Variants in MYH15 observed in about 807,000 individuals in gnomAD.
MYH15 encodes the protein myosin-15.
Under a neutral mutation model 240.5 loss-of-function variants are expected in MYH15, and 227 were observed. The ratio of observed to expected loss-of-function variants is 0.94; its 90% CI spans 0.85 to 1.05. The LOEUF is 1.05. MYH15 is among the 50% of genes least tolerant of loss of function. The pLI, the probability that MYH15 is intolerant of heterozygous loss-of-function variation, is 0.00. For missense variants in MYH15, 2,217 were observed against 2,247.5 expected, an observed-to-expected ratio of 0.99 and a Z score of 0.27; for synonymous variants, 785 against 796.7, an observed-to-expected ratio of 0.99 and a Z score of 0.25.
upstream of MYH15, among the ~76,000 whole-genome samples, chr3:108,512,405 G>C (rs2083528369): frequency 6.6e-6 from 1 of 152,176 alleles, no homozygotes; most frequent in African/African-American, 2.4e-5. Context: ...AAAAGCTGTA[G>C]TCAGGGAGAC....
chr3:108,524,319 T>A (rs1353503614), intron 1 of MYH15, among the ~76,000 whole-genome samples: 1 of 151,982 alleles, frequency 6.6e-6, no homozygotes, highest in African/African-American at 2.4e-5. Flanking sequence ...TCTTTTCGAA[T>A]ACTCATTTGG....
chr3:108,434,464 G>A (rs189579310), intron 25 of MYH15, among the ~76,000 whole-genome samples: 3 of 152,000 alleles, frequency 2.0e-5, no homozygotes, highest in Admixed American at 1.3e-4. Context: ...TTACAGGCAT[G>A]AGCCACCACA....
Position 108,472,910 on chromosome 3 carries a change from C to G in MYH15, c.1234-2063G>C, listed in dbSNP as rs72939901. On this transcript the variant is annotated intron_variant, in intron 12 of 40. Transcript: ENST00000693548. Reference sequence around the variant, plus strand: ...GGTTAAATGCACCCATTTCTTAGCTCTTTTTAAAATAACCTCACAGAAGGC... The same window carrying G: ...GGTTAAATGCACCCATTTCTTAGCTGTTTTTAAAATAACCTCACAGAAGGC... Among the ~76,000 whole-genome samples the G allele has an allele frequency of 9.2e-3, 1,402 of 152,242 alleles. 22 individuals carry two copies. Among genetic ancestry groups the G allele is most frequent in the African/African-American group, 0.032 (1,321 of 41,542 alleles).
chr3:108,452,532 T>A (rs1397610714), intron 21 of MYH15, among the ~76,000 whole-genome samples: 1 of 152,110 alleles, frequency 6.6e-6, no homozygotes, highest in African/African-American at 2.4e-5. Flanking sequence ...TTGATATATT[T>A]CAAAGAATAA....
At chr3:108,526,509 AAT>A (rs1311985965) in intron 1 of MYH15, among the ~76,000 whole-genome samples, 2 of 152,170 alleles carry the variant, frequency 1.3e-5, no homozygotes, top group Non-Finnish European at 2.9e-5. Flanking sequence ...AGCACTGGTG[AAT>A]AAGGAAGGTA....
At chr3:108,445,620 A>T (rs948202606) in intron 21 of MYH15, among the ~76,000 whole-genome samples, 3 of 152,302 alleles carry the variant, frequency 2.0e-5, no homozygotes, top group East Asian at 1.9e-4. Flanking sequence ...AAGTTCTCCT[A>T]CATAAGGCCC....
At chr3:108,466,723 C>T (rs1233312924) in intron 14 of MYH15, among the ~76,000 whole-genome samples, 1 of 152,170 alleles carries the variant, frequency 6.6e-6, no homozygotes, top group Non-Finnish European at 1.5e-5. Flanking sequence ...CAAAGCCTGC[C>T]TCCTAAAGCC....
In MYH15 at chr3:108,459,453, A is replaced by C. The variant is rs773632011; in HGVS notation, c.1933-4T>G. On this transcript the variant is annotated splice_region_variant and splice_polypyrimidine_tract_variant and intron_variant, in intron 17 of 40. Coordinates refer to ENST00000693548, the MANE Select transcript of MYH15 (RefSeq NM_014981.3). The stretch of plus-strand genomic sequence containing the variant: ...TCATCAATTTATTCAGGTTTTCCTA[A>C]AATGGAGACCATAATAAACACAAAA... 5.3e-5 allele frequency: 84 copies of C among 1,584,194 alleles called. No individual in the cohort carries two copies. Among genetic ancestry groups the C allele is most frequent in the Non-Finnish European group, 6.5e-5 (75 of 1,162,206 alleles).
the MYH15 span, among the ~76,000 whole-genome samples, chr3:108,538,911 T>C: frequency 1.3e-5 from 2 of 151,842 alleles, no homozygotes; most frequent in South Asian, 4.2e-4. Flanking sequence ...TGGCAGAGAG[T>C]GGAAGGGCAA....
At chr3:108,399,301 G>T (rs757052779) in intron 33 of MYH15, 34 bp from the exon 34 acceptor site, 1 of 1,530,316 alleles carries the variant, frequency 6.5e-7, no homozygotes, top group Non-Finnish European at 9.0e-7. Context: ...TGGGGGAAAT[G>T]ACACATCCAA....
chr3:108,514,919 A>C (rs2083549075), upstream of MYH15, among the ~76,000 whole-genome samples: 1 of 152,170 alleles, frequency 6.6e-6, no homozygotes, highest in African/African-American at 2.4e-5. Context: ...AGGCATCTCT[A>C]ATTTTCCTTC....
In MYH15 at chr3:108,501,868, G is replaced by GA. The variant is rs752921953; in HGVS notation, c.196-14dup. 1 of 1,611,792 alleles carries GA rather than the reference G, an allele frequency of 6.2e-7. No individual in the cohort carries two copies. Among genetic ancestry groups the GA allele is most frequent in the Non-Finnish European group, 8.5e-7 (1 of 1,178,006 alleles). On this transcript the variant is annotated splice_polypyrimidine_tract_variant and intron_variant, in intron 2 of 40. Coordinates refer to ENST00000693548, the MANE Select transcript of MYH15 (RefSeq NM_014981.3). ...TTATGCTCAGACTCTGCAGAGAGAAGAAAAATATATGATATATTCCCCTGT... is the reference window on the plus strand; with the variant it reads ...TTATGCTCAGACTCTGCAGAGAGAAGAAAAAATATATGATATATTCCCCTGT...
intron 14 of MYH15, among the ~76,000 whole-genome samples, chr3:108,467,254 T>A (rs949671370): frequency 1.3e-5 from 2 of 151,490 alleles, no homozygotes; most frequent in East Asian, 1.9e-4. Context: ...TGGAGTTATG[T>A]GTTTAAAGAG....
chr3:108,453,993 G>T lies in MYH15; in HGVS notation c.2399+13C>A. 6.8e-6 allele frequency: 11 copies of T among 1,606,830 alleles called. No individual in the cohort carries two copies. Among genetic ancestry groups the T allele is most frequent in the Non-Finnish European group, 9.4e-6 (11 of 1,174,766 alleles). On this transcript the variant is annotated intron_variant, in intron 21 of 40. Transcript: ENST00000693548. Reference sequence around the variant, plus strand: ...TACCCTAGCAGTTGGGGAGCAGGGTGGGCATATAATACCTTTCTTCCAGAA... The same window carrying T: ...TACCCTAGCAGTTGGGGAGCAGGGTTGGCATATAATACCTTTCTTCCAGAA...
In MYH15 at chr3:108,393,657, T is replaced by A. The variant is rs893032139; in HGVS notation, c.5259+374A>T. Among the ~76,000 whole-genome samples the A allele has an allele frequency of 6.6e-5, 10 of 152,338 alleles. No homozygotes were observed. In the East Asian group the frequency reaches 1.7e-3, roughly 26 times the overall value. On this transcript the variant is annotated intron_variant, in intron 36 of 40. Transcript: ENST00000693548. ...AAACATTCTTTCCAAATCATCATCA[T>A]AAAACTGTTATAGACCCTAGGAAAA...
intron 14 of MYH15, among the ~76,000 whole-genome samples, chr3:108,469,740 C>T (rs2083154759): frequency 6.6e-6 from 1 of 152,200 alleles, no homozygotes; most frequent in Non-Finnish European, 1.5e-5. Flanking sequence ...TTTTTCCAGT[C>T]AAGAGCATGA....
At chr3:108,475,073 A>C (rs2083208972) in intron 12 of MYH15, among the ~76,000 whole-genome samples, 1 of 152,214 alleles carries the variant, frequency 6.6e-6, no homozygotes, top group Non-Finnish European at 1.5e-5. Flanking sequence ...AATGTTTTAA[A>C]TAACACAGAC....
At chr3:108,437,948 C>A (rs548922655) in intron 24 of MYH15, among the ~76,000 whole-genome samples, 1 of 152,222 alleles carries the variant, frequency 6.6e-6, no homozygotes, top group East Asian at 1.9e-4. Flanking sequence ...AGGGAAGGAA[C>A]CAACAAGAAA....
chr3:108,488,261 T>C (rs2083320828), intron 9 of MYH15, among the ~76,000 whole-genome samples: 1 of 152,186 alleles, frequency 6.6e-6, no homozygotes, highest in South Asian at 2.1e-4. Context: ...TAGCATAATG[T>C]CCTTCAGGTT....
Sources: allele counts gnomAD v4.1 joint callset (sites outside exome capture counted in the v4.1 genomes callset), GRCh38; gene constraint gnomAD v4.1.1; transcripts MANE v1.5; gene names NCBI Gene and HGNC (gene_info 2026-07-23, HGNC 2026-07-21).